Variants in SORCS2 observed in about 807,000 individuals in gnomAD.
SORCS2 encodes VPS10 domain-containing receptor SorCS2.
SORCS2 carries 100 observed loss-of-function variants against 141.6 expected under a neutral mutation model. That is an observed-to-expected ratio of 0.71 (90% CI 0.60 to 0.83). The LOEUF (loss-of-function observed/expected upper bound fraction) is 0.83. Among genes scored for constraint, SORCS2 ranks in the 40% least tolerant of loss-of-function variants. The pLI is 0.00. For missense variants in SORCS2, 1,646 were observed against 1,560.2 expected, an observed-to-expected ratio of 1.05 and a Z score of -0.93; for synonymous variants, 789 against 676.9, an observed-to-expected ratio of 1.17 and a Z score of -2.57.
At chr4:7,621,541 G>GTA (rs1456418168) in intron 3 of SORCS2, among the ~76,000 whole-genome samples, 2 of 150,992 alleles carry the variant, frequency 1.3e-5, no homozygotes, top group African/African-American at 4.9e-5. Context: ...GTGTGAGTAT[G>GTA]TGTGTGTGTG....
intron 2 of SORCS2, among the ~76,000 whole-genome samples, chr4:7,416,328 GC>G (rs1311999103): frequency 6.6e-6 from 1 of 152,180 alleles, no homozygotes; most frequent in Non-Finnish European, 1.5e-5. Flanking sequence ...AGGGTGCTTG[GC>G]CCACAGAGCT....
At chr4:7,699,537 C>T (rs1025414336) in intron 12 of SORCS2, among the ~76,000 whole-genome samples, 2 of 152,042 alleles carry the variant, frequency 1.3e-5, no homozygotes, top group Non-Finnish European at 2.9e-5. Context: ...TCTGGGAAGC[C>T]CACTCTCCTC....
chr4:7,730,118 C>T (rs913339868), intron 23 of SORCS2, among the ~76,000 whole-genome samples: 2 of 152,126 alleles, frequency 1.3e-5, no homozygotes, highest in African/African-American at 4.8e-5. Flanking sequence ...ATGCAGTTAG[C>T]AAATGTCTTT....
intron 1 of SORCS2, among the ~76,000 whole-genome samples, chr4:7,332,561 C>T (rs778803205): frequency 7.9e-5 from 12 of 152,348 alleles, no homozygotes; most frequent in South Asian, 2.1e-4. Context: ...GGCATGTTGA[C>T]GGCAGACTTC....
At chr4:7,500,483 C>T (rs1011837138) in intron 2 of SORCS2, among the ~76,000 whole-genome samples, 8 of 152,174 alleles carry the variant, frequency 5.3e-5, no homozygotes, top group African/African-American at 1.9e-4. Context: ...TCATCTGCTT[C>T]TGGGTGGTCT....
In SORCS2 at chr4:7,355,504, C is replaced by T. The variant is rs545094046; in HGVS notation, c.481-40784C>T. On this transcript the variant is annotated intron_variant, in intron 1 of 26. Coordinates refer to ENST00000507866, the MANE Select transcript of SORCS2 (RefSeq NM_020777.3). ...TGGAGGGTCCAGGTGGGTGGATCTC[C>T]TGCAGGTGGTGACGCAGGGCCCCAG... Among the ~76,000 whole-genome samples the T allele has an allele frequency of 4.6e-5, 7 of 152,218 alleles. No homozygotes were observed. In the East Asian group the frequency reaches 1.4e-3, roughly 29 times the overall value.
At chr4:7,665,649 C>A (rs1577917053) in intron 7 of SORCS2, among the ~76,000 whole-genome samples, 1 of 152,124 alleles carries the variant, frequency 6.6e-6, no homozygotes, top group Non-Finnish European at 1.5e-5. Context: ...TCATTCCGTA[C>A]CATTTACTCC....
intron 1 of SORCS2, among the ~76,000 whole-genome samples, chr4:7,264,378 C>G (rs1714573720): frequency 1.3e-5 from 2 of 152,166 alleles, no homozygotes; most frequent in African/African-American, 4.8e-5. Flanking sequence ...CCTGCTTGTC[C>G]AGGGGCATGG....
intron 1 of SORCS2, among the ~76,000 whole-genome samples, chr4:7,316,264 G>A (rs13111008): frequency 0.094 from 13,541 of 143,980 alleles, 1,415 homozygotes; most frequent in African/African-American, 0.26. Context: ...GCATCCATTC[G>A]TGCATCCATC....
chr4:7,666,801 C>T (rs892448898), intron 7 of SORCS2, among the ~76,000 whole-genome samples: 5 of 152,076 alleles, frequency 3.3e-5, no homozygotes, highest in Non-Finnish European at 7.4e-5. Flanking sequence ...TGGTAACGAG[C>T]GCATCTTTGG....
intron 3 of SORCS2, among the ~76,000 whole-genome samples, chr4:7,576,252 C>T (rs547179977): frequency 3.4e-4 from 52 of 152,302 alleles, no homozygotes; most frequent in East Asian, 7.7e-4. Context: ...CGGGAGTCAT[C>T]GGGAGGCGTG....
chr4:7,439,331 T>A (rs534507803), intron 2 of SORCS2, among the ~76,000 whole-genome samples: 26 of 152,290 alleles, frequency 1.7e-4, no homozygotes, highest in Middle Eastern at 3.4e-3. Flanking sequence ...GCTCCCATGA[T>A]TTTTAACCTA....
rs558375575 is a variant in SORCS2, at chr4:7,618,530, G to A, written c.649-19798G>A. Among the ~76,000 whole-genome samples the A allele has an allele frequency of 6.6e-4, 100 of 152,136 alleles. No individual in the cohort carries two copies. The Middle Eastern group carries it at 0.017, about 26-fold the overall frequency. ...GGGCCCGCACTCTGCCTGCCTCTCC[G>A]CCCCCAGCACGTTCTGCTCGCCCCT... On this transcript the variant is annotated intron_variant, in intron 3 of 26. Coordinates refer to ENST00000507866, the MANE Select transcript of SORCS2 (RefSeq NM_020777.3).
In SORCS2 at chr4:7,397,553, T is replaced by A. The variant is rs537305544; in HGVS notation, c.548+1198T>A. On this transcript the variant is annotated intron_variant, in intron 2 of 26. Coordinates refer to ENST00000507866, the MANE Select transcript of SORCS2 (RefSeq NM_020777.3). ...GGGGGTGAGTGATGGGTCGTATCCC[T>A]GTGTAGAGGACAGATGTTCCCTGCC... 4.6e-5 allele frequency among the ~76,000 whole-genome samples: 7 copies of A among 152,268 alleles called. No individual in the cohort carries two copies. The South Asian group carries it at 1.5e-3, about 32-fold the overall frequency.
chr4:7,640,408 G>A (rs1720642128), intron 4 of SORCS2, among the ~76,000 whole-genome samples: 1 of 140,318 alleles, frequency 7.1e-6, no homozygotes, highest in East Asian at 2.0e-4. Context: ...GTGTGTGTGG[G>A]TGAGTGTGTG....
intron 2 of SORCS2, among the ~76,000 whole-genome samples, chr4:7,528,349 G>A (rs188170468): frequency 1.3e-5 from 2 of 152,036 alleles, no homozygotes; most frequent in Non-Finnish European, 2.9e-5. Context: ...CTGAGGAATT[G>A]GGTTTGCATT....
intron 3 of SORCS2, among the ~76,000 whole-genome samples, chr4:7,550,466 T>G (rs1157368813): frequency 2.6e-5 from 4 of 152,078 alleles, no homozygotes; most frequent in Non-Finnish European, 4.4e-5. Flanking sequence ...GCGGCTTTGG[T>G]GGTGATCGGC....
At chr4:7,671,986 C>G (rs996723716) in intron 8 of SORCS2, among the ~76,000 whole-genome samples, 1 of 150,126 alleles carries the variant, frequency 6.7e-6, no homozygotes, top group African/African-American at 2.5e-5. Context: ...CTCTGTCACC[C>G]AGGCTGGAGT....
rs932297221 is a variant in SORCS2 at position 7,333,591 on chromosome 4, C to T, written c.481-62697C>T. 9.2e-5 allele frequency among the ~76,000 whole-genome samples: 14 copies of T among 152,170 alleles called. 1 individual carries two copies. The South Asian group carries it at 2.5e-3, about 27-fold the overall frequency. On this transcript the variant is annotated intron_variant, in intron 1 of 26. Coordinates refer to ENST00000507866, the MANE Select transcript of SORCS2 (RefSeq NM_020777.3). The stretch of plus-strand genomic sequence containing the variant: ...GGGGCCACTGGGTGCCCAGGGCCCT[C>T]GTCGTCCACCTCCCTGCCTCACCTG...
Sources: allele counts gnomAD v4.1 joint callset (sites outside exome capture counted in the v4.1 genomes callset), GRCh38; gene constraint gnomAD v4.1.1; transcripts MANE v1.5; gene names NCBI Gene and HGNC (gene_info 2026-07-23, HGNC 2026-07-21).